Variants in NCL observed in about 807,000 individuals in gnomAD.
NCL encodes nucleolin multifunctional protein.
Under a neutral mutation model 77.7 loss-of-function variants are expected in NCL, and 4 were observed. That is an observed-to-expected ratio of 0.05 (90% CI 0.03 to 0.12). NCL has a LOEUF of 0.12. Among genes scored for constraint, NCL ranks in the 10% least tolerant of loss-of-function variants. The pLI, the probability that NCL is intolerant of heterozygous loss-of-function variation, is 1.00. For missense variants in NCL, 763 were observed against 860.9 expected (o/e 0.89, Z 1.42); for synonymous variants, 344 against 297.8 (o/e 1.16, Z -1.60).
intron 1 of NCL, 180 bp downstream of exon 1, chr2:231,464,156 T>C: frequency 7.1e-7 from 1 of 1,414,682 alleles, no homozygotes; most frequent in South Asian, 1.4e-5. Flanking sequence ...CAGAAGCTCT[T>C]CACCTCGCCA....
intron 7 of NCL, 125 bp from the exon 8 acceptor site, chr2:231,458,514 A>G: frequency 1.6e-6 from 2 of 1,221,400 alleles, no homozygotes; most frequent in South Asian, 3.0e-5. Context: ...TATAATGTAC[A>G]AGGCTCGGTG....
rs2046862745 is a variant in NCL at position 231,454,446 on chromosome 2, G to A, written c.*745C>T. ...CAGGAGTTAGCCACTGCTCTTCCCT[G>A]AAGCTCTTCCTTGTCCTAGGAAACC... On this transcript the variant is annotated 3_prime_UTR_variant, in exon 14 of 14. Transcript: ENST00000322723. 6.6e-6 allele frequency: 1 copy of A among 152,328 alleles called. No individual in the cohort carries two copies. The highest frequency in any genetic ancestry group is 1.5e-5 in the Non-Finnish European group (1 of 68,180). 9.4% of individuals were successfully genotyped at this position (152,328 alleles called of 1,614,324 possible).
At chr2:231,457,228 T>G in intron 9 of NCL, 104 bp from the exon 10 acceptor site, 1 of 1,482,208 alleles carries the variant, frequency 6.7e-7, no homozygotes, top group Non-Finnish European at 9.4e-7. Context: ...CTTGAGTTAA[T>G]ATACAAATAC....
rs970601163 is a variant in NCL at position 231,463,046 on chromosome 2, TTGACA to T, written c.135+149_135+153del. On this transcript the variant is annotated intron_variant, in intron 2 of 13. Transcript: ENST00000322723. ...TTCAAATACTTAGCCAAATGACATC[TTGACA>T]TGTCAATGAAGAGCTTGTGAAACAC... 7.8e-5 allele frequency: 49 copies of T among 631,760 alleles called. No homozygotes were observed. The African/African-American group carries it at 8.6e-4, about 11-fold the overall frequency. The allele number at this position is 631,760 out of a possible 1,614,324, so 39.1% of individuals were successfully genotyped here.
In NCL at chr2:231,455,644, T is replaced by C. The variant is rs775214274; in HGVS notation, c.1833-20A>G. 34 of 1,612,820 alleles carry C rather than the reference T, an allele frequency of 2.1e-5. No individual in the cohort carries two copies. The highest frequency in any genetic ancestry group is 2.0e-4 in the South Asian group (18 of 91,072). On this transcript the variant is annotated intron_variant, in intron 12 of 13. Coordinates refer to ENST00000322723, the MANE Select transcript of NCL (RefSeq NM_005381.3). ...CCAAACCTAGAACACCAAATGAAAT[T>C]GCCCATTATAAAAAGCACCTACTAC...
In NCL at chr2:231,456,120, C is replaced by G; in HGVS notation, c.1722G>C (p.Leu574=). Residue 574 remains leucine (L), a synonymous_variant, in exon 12 of 14, where the codon CTG becomes CTC. Coordinates refer to ENST00000322723, the MANE Select transcript of NCL (RefSeq NM_005381.3). ...PNARSQPSKT[L]FVKGLSEDTT... ...TATCCTCAGACAGGCCTTTGACAAA[C>G]AGAGTTTTGGATGGCTCTGGGAAGG... The G allele has an allele frequency of 2.5e-6, 4 of 1,612,070 alleles. No individual in the cohort carries two copies. Among genetic ancestry groups the G allele is most frequent in the South Asian group, 1.1e-5 (1 of 91,012 alleles).
rs909429978 is a variant in NCL, at chr2:231,456,832, T to C, written c.1572-68A>G. ...ATGCTCCTTCACTGTCACATGATGC[T>C]GCCAAGCCCCTTCTCTCAAGTTGGT... On this transcript the variant is annotated intron_variant, in intron 10 of 13. Coordinates refer to ENST00000322723, the MANE Select transcript of NCL (RefSeq NM_005381.3). 6.9e-6 allele frequency: 11 copies of C among 1,590,064 alleles called. No homozygotes were observed. The African/African-American group carries it at 1.2e-4, about 18-fold the overall frequency.
In NCL at chr2:231,454,770, A is replaced by T. The variant is rs2046866456; in HGVS notation, c.*421T>A. ...ACGTCTGGCACCAGAGTTGACTTTT[A>T]ATTTGTCCTAAAGCCGCTGAAGCAA... On this transcript the variant is annotated 3_prime_UTR_variant, in exon 14 of 14. Coordinates refer to ENST00000322723, the MANE Select transcript of NCL (RefSeq NM_005381.3). 1 of 162,922 alleles carries T rather than the reference A, an allele frequency of 6.1e-6. No homozygotes were observed. Among genetic ancestry groups the T allele is most frequent in the Admixed American group, 5.8e-5 (1 of 17,198 alleles). 10.1% of individuals were successfully genotyped at this position (162,922 alleles called of 1,614,324 possible). A position where few individuals can be genotyped will look rare whatever the true frequency, so the allele number is the denominator to read the frequency against.
intron 3 of NCL, among the ~76,000 whole-genome samples, chr2:231,461,265 A>G (rs2046947062): frequency 6.7e-6 from 1 of 150,346 alleles, no homozygotes; most frequent in South Asian, 2.2e-4. Context: ...GAAACAGCAA[A>G]AGCTCCATCT....
At position 231,461,944 on chromosome 2, in the gene NCL, TTTG is replaced by T. The variant is rs547555821; in HGVS notation, c.206_208del (p.Thr69del). ...GGCTGGTGTGGCAACTGCAACCTTT[TTTG>T]TTGGGGAAACGACCACCTTCTTTGC... On this transcript the variant is annotated inframe_deletion, in exon 3 of 14. Transcript: ENST00000322723. 3,556 of 1,614,216 alleles carry T rather than the reference TTTG, an allele frequency of 2.2e-3. 10 individuals carry two copies. Among genetic ancestry groups the T allele is most frequent in the Non-Finnish European group, 2.7e-3 (3,178 of 1,180,028 alleles).
intron 3 of NCL, 149 bp from the exon 4 acceptor site, chr2:231,461,015 A>T (rs1450805372): frequency 1.3e-5 from 9 of 708,062 alleles, no homozygotes; most frequent in Non-Finnish European, 1.9e-5. Flanking sequence ...GCAGTGGCTC[A>T]CGCCTGTAAT....
At position 231,461,687 on chromosome 2, in the gene NCL, C is replaced by G. The variant is rs1559542612; in HGVS notation, c.466G>C (p.Asp156His). The G allele has an allele frequency of 6.2e-7, 1 of 1,613,368 alleles. No homozygotes were observed. Among genetic ancestry groups the G allele is most frequent in the Non-Finnish European group, 8.5e-7 (1 of 1,179,300 alleles). The change falls in exon 3 of 14, where the codon GAT (aspartate) becomes CAT (histidine). Residue 156 changes from aspartate (D) to histidine (H), a missense_variant. Coordinates refer to ENST00000322723, the MANE Select transcript of NCL (RefSeq NM_005381.3). ...TCCTCGTCCTCGTCATCCTCCTCATCCTCCTCACTGTCATCATCCTCCTCT... is the reference window on the plus strand; with the variant it reads ...TCCTCGTCCTCGTCATCCTCCTCATGCTCCTCACTGTCATCATCCTCCTCT... ...DEEEDDDSEE[D>H]EEDDEDEDED...
At chr2:231,463,990 G>T in intron 1 of NCL, 1 of 579,830 alleles carries the variant, frequency 1.7e-6, no homozygotes, top group Non-Finnish European at 2.4e-6. Context: ...GGCCCACGTG[G>T]CAGGCCGCGC....
intron 6 of NCL, 70 bp from the exon 7 acceptor site, chr2:231,459,195 T>C: frequency 1.4e-6 from 2 of 1,413,750 alleles, no homozygotes; most frequent in Admixed American, 2.8e-5. Context: ...ATATGTATTC[T>C]AGACAAATGT....
intron 2 of NCL, 169 bp from the exon 3 acceptor site, chr2:231,462,186 A>G (rs187278339): frequency 2.2e-6 from 2 of 903,210 alleles, no homozygotes; most frequent in East Asian, 2.4e-5. Context: ...CTTAAGTCAG[A>G]GCCCCTATCA....
At chr2:231,456,511 G>A (rs751200078) in intron 11 of NCL, 120 bp downstream of exon 11, 2 of 1,424,498 alleles carry the variant, frequency 1.4e-6, no homozygotes, top group Middle Eastern at 1.7e-4. Flanking sequence ...CAGGTAATCA[G>A]TCATCATATC....
At chr2:231,456,347 A>G in intron 11 of NCL, 1 of 877,654 alleles carries the variant, frequency 1.1e-6, no homozygotes, top group Non-Finnish European at 1.8e-6. Flanking sequence ...CCTGCCCCAG[A>G]TCTTCTATGG....
chr2:231,457,382 A>T, intron 9 of NCL: 1 of 747,556 alleles, frequency 1.3e-6, no homozygotes, highest in Non-Finnish European at 2.4e-6. Context: ...CACATGGTCA[A>T]GTCATTTAAA....
At chr2:231,457,156 C>CT in intron 9 of NCL, 32 bp from the exon 10 acceptor site, 1 of 1,612,436 alleles carries the variant, frequency 6.2e-7, no homozygotes, top group Admixed American at 1.7e-5. Flanking sequence ...TCCTAAGACT[C>CT]TGAAACAGTG....
Sources: gnomAD v4.1 joint callset for allele counts (sites outside exome capture counted in the v4.1 genomes callset) on GRCh38, gnomAD v4.1.1 for gene constraint, MANE v1.5 for transcripts, NCBI Gene and HGNC (gene_info 2026-07-23, HGNC 2026-07-21) for gene names.